Variants in LINGO2 observed in about 807,000 individuals in gnomAD.
The protein encoded by LINGO2 is leucine-rich repeat and immunoglobulin-like domain-containing nogo receptor-interacting protein 2.
Under a neutral mutation model 30.6 loss-of-function variants are expected in LINGO2, and 14 were observed. The observed-to-expected ratio is 0.46, with a 90% CI of 0.30 to 0.72. The LOEUF is 0.72. Among genes scored for constraint, LINGO2 ranks in the 30% least tolerant of loss-of-function variants. The probability of loss-of-function intolerance (pLI) is 0.07; values close to 1 mark genes in which losing one functional copy is unlikely to be tolerated. For synonymous variants in LINGO2, 317 were observed against 288.5 expected (o/e 1.10, Z -1.00); for missense variants, 729 against 751.7 (o/e 0.97, Z 0.35).
chr9:28,196,586 A>C (rs1322279900), intron 4 of LINGO2, among the ~76,000 whole-genome samples: 5 of 151,982 alleles, frequency 3.3e-5, no homozygotes, highest in Non-Finnish European at 7.4e-5. Context: ...ATTTTTACTA[A>C]GAAACAGAAA....
At chr9:29,006,645 T>C in the LINGO2 span, among the ~76,000 whole-genome samples, 1 of 152,112 alleles carries the variant, frequency 6.6e-6, no homozygotes, top group African/African-American at 2.4e-5. Context: ...CTTTTTTCTT[T>C]TTCTTGTAGC....
the LINGO2 span, among the ~76,000 whole-genome samples, chr9:28,943,593 C>T: frequency 6.6e-6 from 1 of 152,096 alleles, no homozygotes; most frequent in Non-Finnish European, 1.5e-5. Context: ...CTCTGAAGTT[C>T]GTCTCAGGGT....
At chr9:29,015,313 T>C in the LINGO2 span, among the ~76,000 whole-genome samples, 10 of 152,268 alleles carry the variant, frequency 6.6e-5, no homozygotes, top group African/African-American at 2.4e-4. Flanking sequence ...TAAAAAATAA[T>C]TCTTGAAAGT....
intron 1 of LINGO2, among the ~76,000 whole-genome samples, chr9:28,515,799 G>A (rs1445956785): frequency 6.6e-6 from 1 of 152,150 alleles, no homozygotes; most frequent in Non-Finnish European, 1.5e-5. Flanking sequence ...GGTTTTGAGA[G>A]GACTGATTCC....
the LINGO2 span, among the ~76,000 whole-genome samples, chr9:28,908,584 A>T: frequency 2.0e-5 from 3 of 151,930 alleles, no homozygotes. Flanking sequence ...ACAACAAAAA[A>T]TTCCAATGAT....
chr9:28,707,130 C>T, the LINGO2 span, among the ~76,000 whole-genome samples: 2 of 152,050 alleles, frequency 1.3e-5, no homozygotes, highest in Non-Finnish European at 2.9e-5. Flanking sequence ...TTGCTCACAA[C>T]TGTATTCTTA....
the LINGO2 span, among the ~76,000 whole-genome samples, chr9:28,754,811 T>G: frequency 6.6e-6 from 1 of 151,842 alleles, no homozygotes; most frequent in Non-Finnish European, 1.5e-5. Flanking sequence ...TTTTGTATTT[T>G]TAATAGAGAC....
At chr9:28,052,605 T>G (rs143339803) in intron 4 of LINGO2, among the ~76,000 whole-genome samples, 4 of 152,202 alleles carry the variant, frequency 2.6e-5, no homozygotes, top group Non-Finnish European at 5.9e-5. Flanking sequence ...TACGCATCTC[T>G]CATATAAACT....
At chr9:27,978,479 G>A (rs1388324467) in intron 5 of LINGO2, among the ~76,000 whole-genome samples, 2 of 151,976 alleles carry the variant, frequency 1.3e-5, no homozygotes, top group African/African-American at 4.8e-5. Flanking sequence ...GTTTATTAGT[G>A]CCCTTATAAA....
chr9:28,695,275 T>C, the LINGO2 span, among the ~76,000 whole-genome samples: 15 of 151,994 alleles, frequency 9.9e-5, no homozygotes, highest in Non-Finnish European at 1.9e-4. Context: ...GTGTTTAACT[T>C]CATTAAATGT....
intron 3 of LINGO2, among the ~76,000 whole-genome samples, chr9:28,349,057 A>C (rs1819731172): frequency 6.6e-6 from 1 of 151,824 alleles, no homozygotes; most frequent in Non-Finnish European, 1.5e-5. Context: ...GAAAAAACAG[A>C]ACAGAAAAAC....
At position 28,278,119 on chromosome 9, in the gene LINGO2, A is replaced by T. The variant is rs562161680; in HGVS notation, c.-87+17089T>A. On this transcript the variant is annotated intron_variant, in intron 4 of 5. Coordinates refer to ENST00000379992, the Ensembl canonical transcript of LINGO2. The stretch of plus-strand genomic sequence containing the variant: ...ATTCCATTAAGCCAAAGCCTAATCC[A>T]GAGCAAGACCCTGACTCACTTTAAT... 7.9e-5 allele frequency among the ~76,000 whole-genome samples: 12 copies of T among 152,348 alleles called. No individual in the cohort carries two copies. In the East Asian group the frequency reaches 1.2e-3, roughly 15 times the overall value.
the LINGO2 span, among the ~76,000 whole-genome samples, chr9:29,169,209 A>T: frequency 6.6e-6 from 1 of 152,126 alleles, no homozygotes; most frequent in African/African-American, 2.4e-5. Context: ...TGGCCTCCCA[A>T]AGTGCTAGGA....
chr9:28,653,809 A>ACAT (rs1402732860), intron 1 of LINGO2, among the ~76,000 whole-genome samples: 4 of 152,084 alleles, frequency 2.6e-5, no homozygotes, highest in African/African-American at 2.4e-5. Context: ...TCATCAGGGC[A>ACAT]CATGACACAC....
chr9:28,662,339 A>G (rs983031738), intron 1 of LINGO2, among the ~76,000 whole-genome samples: 6 of 152,266 alleles, frequency 3.9e-5, no homozygotes, highest in African/African-American at 1.4e-4. Flanking sequence ...CTACAAGCAA[A>G]GGGAATTGAT....
chr9:28,550,141 T>A (rs975742125), intron 1 of LINGO2, among the ~76,000 whole-genome samples: 1 of 151,930 alleles, frequency 6.6e-6, no homozygotes, highest in Non-Finnish European at 1.5e-5. Flanking sequence ...ATTATTTGAG[T>A]ACTTGCCTTA....
At chr9:28,657,713 G>T (rs1828414080) in intron 1 of LINGO2, among the ~76,000 whole-genome samples, 1 of 151,836 alleles carries the variant, frequency 6.6e-6, no homozygotes, top group Non-Finnish European at 1.5e-5. Context: ...TATTGGTTTT[G>T]TTGAATTTCT....
At chr9:28,457,638 C>T (rs1370248721) in intron 2 of LINGO2, among the ~76,000 whole-genome samples, 2 of 151,988 alleles carry the variant, frequency 1.3e-5, no homozygotes, top group Non-Finnish European at 2.9e-5. Context: ...CATTATATTG[C>T]CCAAGTTGGT....
At chr9:28,055,807 T>C (rs1445173204) in intron 4 of LINGO2, among the ~76,000 whole-genome samples, 1 of 152,192 alleles carries the variant, frequency 6.6e-6, no homozygotes, top group Non-Finnish European at 1.5e-5. Context: ...CCTATGGATA[T>C]AGTTTTATCT....
Sources: gnomAD v4.1 joint callset for allele counts (sites outside exome capture counted in the v4.1 genomes callset) on GRCh38, gnomAD v4.1.1 for gene constraint, MANE v1.5 for transcripts, NCBI Gene and HGNC (gene_info 2026-07-23, HGNC 2026-07-21) for gene names.